Variants in MRPS31 observed in about 807,000 individuals in gnomAD.
MRPS31 encodes the protein small ribosomal subunit protein mS31.
A neutral mutation model predicts 43.1 loss-of-function variants in MRPS31; 32 were observed. That is an observed-to-expected ratio of 0.74 (90% confidence interval 0.56 to 1.00). The LOEUF (loss-of-function observed/expected upper bound fraction) is 1.00, where lower values mean the gene tolerates loss of function less well. MRPS31 is among the 50% of genes least tolerant of loss of function. The pLI, the probability that MRPS31 is intolerant of heterozygous loss-of-function variation, is 0.00. For missense variants in MRPS31, 437 were observed against 466.7 expected, an observed-to-expected ratio of 0.94 and a Z score of 0.59; for synonymous variants, 165 against 161.6, an observed-to-expected ratio of 1.02 and a Z score of -0.16.
intron 6 of MRPS31, among the ~76,000 whole-genome samples, chr13:40,738,488 A>T (rs1879988206): frequency 6.6e-6 from 1 of 151,550 alleles, no homozygotes; most frequent in Non-Finnish European, 1.5e-5. Context: ...ACAACCAAAA[A>T]AGAGAATTTT....
chr13:40,747,457 A>G lies in MRPS31; in HGVS notation c.958+1681T>C, dbSNP rs143693725. Among the ~76,000 whole-genome samples the G allele has an allele frequency of 8.3e-3, 1,260 of 152,336 alleles. 25 individuals carry two copies. Among genetic ancestry groups the G allele is most frequent in the African/African-American group, 0.028 (1,181 of 41,562 alleles). The stretch of plus-strand genomic sequence containing the variant: ...GGACAGGGCTGCTACTCAGGTTTGT[A>G]CGACTAAAAAGGCGTTGGTCTTTTT... On this transcript the variant is annotated intron_variant, in intron 6 of 6. Coordinates refer to ENST00000323563, the MANE Select transcript of MRPS31 (RefSeq NM_005830.4).
chr13:40,766,495 T>C (rs781269366), intron 2 of MRPS31, among the ~76,000 whole-genome samples: 2 of 152,128 alleles, frequency 1.3e-5, no homozygotes, highest in East Asian at 1.9e-4. Context: ...GGTTTCACCA[T>C]GTTGGCCAGG....
chr13:40,735,105 G>A (rs188580931), intron 6 of MRPS31, among the ~76,000 whole-genome samples: 2 of 152,332 alleles, frequency 1.3e-5, no homozygotes, highest in African/African-American at 2.4e-5. Flanking sequence ...AGAGGGTGAG[G>A]CATTGCCTCA....
At chr13:40,738,608 T>C (rs1273055058) in intron 6 of MRPS31, among the ~76,000 whole-genome samples, 4 of 152,100 alleles carry the variant, frequency 2.6e-5, no homozygotes, top group African/African-American at 9.7e-5. Flanking sequence ...GTGGGCTTCA[T>C]CCCTGGGATG....
intron 6 of MRPS31, among the ~76,000 whole-genome samples, chr13:40,733,358 G>T (rs1190791654): frequency 2.0e-5 from 3 of 152,014 alleles, no homozygotes; most frequent in African/African-American, 7.2e-5. Flanking sequence ...TGGAGAGATT[G>T]TAAGATAATA....
chr13:40,757,111 T>G, intron 3 of MRPS31, 98 bp from the exon 4 acceptor site: 1 of 920,208 alleles, frequency 1.1e-6, no homozygotes, highest in Non-Finnish European at 1.6e-6. Context: ...AATTCTTATT[T>G]CATTTTTATG....
At chr13:40,740,080 A>G (rs1262616548) in intron 6 of MRPS31, among the ~76,000 whole-genome samples, 1 of 151,248 alleles carries the variant, frequency 6.6e-6, no homozygotes, top group African/African-American at 2.4e-5. Flanking sequence ...AATGAACTCA[A>G]GCAAATTTAC....
chr13:40,759,129 A>G (rs780026099), intron 2 of MRPS31, 23 bp from the exon 3 acceptor site: 1 of 1,547,648 alleles, frequency 6.5e-7, no homozygotes, highest in African/African-American at 1.4e-5. Context: ...ATGAAAAACA[A>G]ATGAGAAAGA....
chr13:40,729,843 C>T (rs1347183340), intron 6 of MRPS31, among the ~76,000 whole-genome samples: 1 of 151,602 alleles, frequency 6.6e-6, no homozygotes, highest in African/African-American at 2.4e-5. Context: ...GATTCTCCTG[C>T]CTCAGCCTCC....
rs564041726 is a variant in MRPS31, at chr13:40,768,440, T to A, written c.153-1407A>T. On this transcript the variant is annotated intron_variant, in intron 1 of 6. Coordinates refer to ENST00000323563, the MANE Select transcript of MRPS31 (RefSeq NM_005830.4). The stretch of plus-strand genomic sequence containing the variant: ...TGGAAGTCTTTAATATGCATAAAAA[T>A]TTTTTTTTTTTGAGACAGGGCCTCA... Among the ~76,000 whole-genome samples the A allele has an allele frequency of 5.0e-4, 50 of 99,334 alleles. 1 individual carries two copies. Among genetic ancestry groups the A allele is most frequent in the Middle Eastern group, 4.2e-3 (1 of 240 alleles). The allele number at this position is 99,334 out of a possible 152,430, so 65.2% of individuals were successfully genotyped here. A position where few individuals can be genotyped will look rare whatever the true frequency, so the allele number is the denominator to read the frequency against.
intron 5 of MRPS31, among the ~76,000 whole-genome samples, chr13:40,750,742 T>TTATATATATATATATATATATATA (rs66521234): frequency 3.1e-5 from 4 of 130,840 alleles, no homozygotes; most frequent in African/African-American, 8.7e-5. Context: ...GTATCCCATT[T>TTATATATATATATATATATATATA]TATATATATA....
chr13:40,762,449 CTCA>C (rs1190385505), intron 2 of MRPS31, among the ~76,000 whole-genome samples: 4 of 138,798 alleles, frequency 2.9e-5, no homozygotes, highest in Admixed American at 7.3e-5. Context: ...CTCCAGCCCC[CTCA>C]TTCTTTTTTT....
At chr13:40,744,534 C>A (rs1295074212) in intron 6 of MRPS31, among the ~76,000 whole-genome samples, 2 of 152,132 alleles carry the variant, frequency 1.3e-5, no homozygotes, top group Non-Finnish European at 2.9e-5. Flanking sequence ...GGTAAGGTAT[C>A]TGAACAGATA....
chr13:40,770,659 A>G, intron 1 of MRPS31: 1 of 332,718 alleles, frequency 3.0e-6, no homozygotes, highest in Non-Finnish European at 5.8e-6. Context: ...CGAGTTTTTC[A>G]GTAATGAACT....
intron 6 of MRPS31, among the ~76,000 whole-genome samples, chr13:40,746,584 T>A (rs1157233755): frequency 6.6e-6 from 1 of 152,168 alleles, no homozygotes; most frequent in Admixed American, 6.5e-5. Flanking sequence ...CAGGTCAAAT[T>A]TAAGATAAAT....
intron 6 of MRPS31, among the ~76,000 whole-genome samples, chr13:40,731,411 G>A (rs531136279): frequency 3.2e-4 from 49 of 151,388 alleles, no homozygotes; most frequent in Middle Eastern, 6.8e-3. Context: ...GTGAAACCCC[G>A]TCTCTACTAA....
intron 6 of MRPS31, among the ~76,000 whole-genome samples, chr13:40,735,968 C>T (rs1398949558): frequency 1.4e-5 from 2 of 147,442 alleles, no homozygotes; most frequent in South Asian, 4.5e-4. Flanking sequence ...AGGCTTCAGA[C>T]GATCAAATTA....
intron 1 of MRPS31, among the ~76,000 whole-genome samples, chr13:40,769,857 G>A (rs1880958418): frequency 6.6e-6 from 1 of 151,940 alleles, no homozygotes; most frequent in Non-Finnish European, 1.5e-5. Flanking sequence ...TAAACCTCTC[G>A]ACCTAACCTC....
At chr13:40,756,443 T>C (rs1390668196) in intron 4 of MRPS31, among the ~76,000 whole-genome samples, 3 of 152,206 alleles carry the variant, frequency 2.0e-5, no homozygotes, top group Non-Finnish European at 2.9e-5. Flanking sequence ...CTTCTTCTCA[T>C]TGATGGTGGG....
Sources: gnomAD v4.1 joint callset for allele counts (sites outside exome capture counted in the v4.1 genomes callset) on GRCh38, gnomAD v4.1.1 for gene constraint, MANE v1.5 for transcripts, NCBI Gene and HGNC (gene_info 2026-07-23, HGNC 2026-07-21) for gene names.